Variants in ZGRF1 observed in about 807,000 individuals in gnomAD.
The protein encoded by ZGRF1 is zinc finger GRF-type containing 1, also known as 5'-3' DNA helicase ZGRF1.
In ZGRF1, 196 loss-of-function variants were observed where a neutral mutation model predicts 203.5. The observed-to-expected ratio is 0.96, with a 90% CI of 0.86 to 1.08. The LOEUF is 1.08. ZGRF1 is among the 50% of genes least tolerant of loss of function. ZGRF1 has a pLI of 0.00. For synonymous variants in ZGRF1, 809 were observed against 841.3 expected (o/e 0.96, Z 0.66); for missense variants, 2,326 against 2,416.3 (o/e 0.96, Z 0.78).
chr4:112,619,109 T>C lies in ZGRF1; in HGVS notation c.933A>G (p.Leu311=), dbSNP rs773608643. Residue 311 remains leucine, a synonymous_variant, in exon 6 of 28, where the codon TTA becomes TTG. Transcript: ENST00000505019. ...ECAEMKSTEN[L]YYQHQSENTM... ...TATTTTCTGATTGATGCTGGTAGTA[T>C]AAATTTTCTGTGCTCTTCATCTCAG... 2 of 1,613,932 alleles carry C rather than the reference T, an allele frequency of 1.2e-6. No homozygotes were observed. The highest frequency in any genetic ancestry group is 1.1e-5 in the South Asian group (1 of 91,076).
chr4:112,548,328 T>A lies in ZGRF1; in HGVS notation c.5399A>T (p.Asp1800Val), dbSNP rs780807352. Residue 1800 changes from aspartate to valine, a missense_variant, in exon 23 of 28, where the codon GAT becomes GTT. By Grantham distance (152) the Asp-to-Val change is radical (BLOSUM62 -3). Coordinates refer to ENST00000505019, the MANE Select transcript of ZGRF1 (RefSeq NM_018392.5). ...CAGCACAACTACAGGAAATTTAAGA[T>A]CATTCATGCATGGGAATGGGCAGGC... is the stretch of plus-strand genomic sequence containing the variant. ...CAACPFPCMNDLKFPVVVLDE... is the reference protein window; with the variant it reads ...CAACPFPCMNVLKFPVVVLDE... The A allele has an allele frequency of 6.4e-7, 1 of 1,554,464 alleles. No homozygotes were observed.
intron 10 of ZGRF1, among the ~76,000 whole-genome samples, chr4:112,594,769 T>C (rs1748724381): frequency 6.6e-6 from 1 of 152,044 alleles, no homozygotes; most frequent in South Asian, 2.1e-4. Flanking sequence ...TTCAAGTTTA[T>C]CTTGTCTTCA....
intron 3 of ZGRF1, among the ~76,000 whole-genome samples, chr4:112,631,440 C>T (rs981417902): frequency 2.0e-5 from 3 of 152,054 alleles, no homozygotes; most frequent in African/African-American, 7.2e-5. Flanking sequence ...GAGGCTGAGG[C>T]AGGCAGCTCA....
intron 24 of ZGRF1, among the ~76,000 whole-genome samples, chr4:112,545,141 T>A (rs750158512): frequency 6.6e-6 from 1 of 151,878 alleles, no homozygotes; most frequent in South Asian, 2.1e-4. Flanking sequence ...ATAGGTAAAC[T>A]GAACTTCATC....
At chr4:112,605,054 ATT>A (rs1280903404) in intron 9 of ZGRF1, among the ~76,000 whole-genome samples, 1 of 152,140 alleles carries the variant, frequency 6.6e-6, no homozygotes, top group East Asian at 1.9e-4. Context: ...AAAAATAAAC[ATT>A]GCAATAAAAA....
At chr4:112,633,991 G>A (rs552272938) in intron 1 of ZGRF1, among the ~76,000 whole-genome samples, 28 of 152,278 alleles carry the variant, frequency 1.8e-4, no homozygotes, top group African/African-American at 6.3e-4. Context: ...AAGTGATGCT[G>A]ATGGACACTC....
Position 112,540,895 on chromosome 4 carries a change from G to A in ZGRF1, c.5836C>T (p.Gln1946Ter), listed in dbSNP as rs1015590553. 5 of 1,585,308 alleles carry A rather than the reference G, an allele frequency of 3.2e-6. No homozygotes were observed. Among genetic ancestry groups the A allele is most frequent in the African/African-American group, 2.7e-5 (2 of 74,474 alleles). The part of the protein sequence containing the change: ...AEATFTLKLI[Q>*]SLIASGIAGS... ...GCTATTCCACTTGCAATCAGTGATTGAATCAGCTTGAGTGTAAACGTAGCT... is the reference window on the plus strand; with the variant it reads ...GCTATTCCACTTGCAATCAGTGATTAAATCAGCTTGAGTGTAAACGTAGCT... Residue 1946 changes from glutamine to a stop codon, truncating the protein, a stop_gained, in exon 26 of 28, where the codon CAA (glutamine) becomes TAA (stop). Coordinates refer to ENST00000505019, the MANE Select transcript of ZGRF1 (RefSeq NM_018392.5). LOFTEE classifies it high-confidence loss of function.
In ZGRF1 at chr4:112,631,053, T is replaced by C. The variant is rs1349065044; in HGVS notation, c.102+877A>G. Among the ~76,000 whole-genome samples, 12 of 152,238 alleles carry C rather than the reference T, an allele frequency of 7.9e-5. No individual in the cohort carries two copies. The East Asian group carries it at 2.3e-3, about 29-fold the overall frequency. ...GTTTCATCTTCAGTAAAATAAAGAT[T>C]AAAAGAATACCTAACTAGTAGGAGA... On this transcript the variant is annotated intron_variant, in intron 3 of 27. Transcript: ENST00000505019.
At chr4:112,601,093 ACT>A (rs2149085865) in intron 10 of ZGRF1, among the ~76,000 whole-genome samples, 1 of 141,168 alleles carries the variant, frequency 7.1e-6, no homozygotes, top group East Asian at 2.1e-4. Flanking sequence ...ACAGAGCAAG[ACT>A]CCATCTCAAA....
At chr4:112,599,930 A>G (rs957806789) in intron 10 of ZGRF1, among the ~76,000 whole-genome samples, 16 of 152,374 alleles carry the variant, frequency 1.1e-4, no homozygotes, top group Middle Eastern at 3.4e-3. Context: ...CATAAAATGT[A>G]CTCAATACAT....
At chr4:112,594,039 G>C (rs77137039) in intron 10 of ZGRF1, among the ~76,000 whole-genome samples, 5,336 of 152,200 alleles carry the variant, frequency 0.035, 177 homozygotes, top group East Asian at 0.19. Flanking sequence ...ACAGGTGTGA[G>C]CCACCGTCCC....
chr4:112,565,762 GC>G (rs1158692977), intron 16 of ZGRF1, among the ~76,000 whole-genome samples: 1 of 152,110 alleles, frequency 6.6e-6, no homozygotes, highest in African/African-American at 2.4e-5. Context: ...ACCATCACTG[GC>G]CATCAGAGAA....
At chr4:112,599,190 T>G (rs746355765) in intron 10 of ZGRF1, among the ~76,000 whole-genome samples, 1 of 152,138 alleles carries the variant, frequency 6.6e-6, no homozygotes, top group Non-Finnish European at 1.5e-5. Flanking sequence ...ATACCAAAAC[T>G]GTAAAACATT....
At position 112,619,587 on chromosome 4, in the gene ZGRF1, G is replaced by GA. The variant is rs1560873980; in HGVS notation, c.454dup (p.Ser152PhefsTer20). The GA allele has an allele frequency of 1.2e-6, 2 of 1,613,854 alleles. No homozygotes were observed. Among genetic ancestry groups the GA allele is most frequent in the Non-Finnish European group, 1.7e-6 (2 of 1,179,878 alleles). The stretch of plus-strand genomic sequence containing the variant: ...CAAAGGAGGCATGCTGCAGAATGGA[G>GA]AAAAAATAGTAGGGCCAGTTTTCTT... On this transcript the variant is annotated frameshift_variant, in exon 6 of 28. Coordinates refer to ENST00000505019, the MANE Select transcript of ZGRF1 (RefSeq NM_018392.5). LOFTEE classifies it high-confidence loss of function.
intron 6 of ZGRF1, among the ~76,000 whole-genome samples, chr4:112,613,493 A>G (rs1392269017): frequency 6.6e-6 from 1 of 152,210 alleles, no homozygotes; most frequent in Non-Finnish European, 1.5e-5. Flanking sequence ...ACAAAAGACA[A>G]ACAAATAACT....
intron 3 of ZGRF1, among the ~76,000 whole-genome samples, chr4:112,627,806 C>G (rs183109184): frequency 6.6e-6 from 1 of 152,152 alleles, no homozygotes; most frequent in Non-Finnish European, 1.5e-5. Context: ...TCTTCATTAG[C>G]TCCTGGGGCT....
Position 112,585,617 on chromosome 4 carries a change from G to A in ZGRF1, c.4025C>T (p.Ala1342Val). 1 of 1,611,906 alleles carries A rather than the reference G, an allele frequency of 6.2e-7. No individual in the cohort carries two copies. The highest frequency in any genetic ancestry group is 8.5e-7 in the Non-Finnish European group (1 of 1,179,190). The part of the protein sequence containing the change: ...TSLKGEKLKN[A>V]ENNVPSCHHS... ...ATGGCAGGATGGTACATTATTTTCTGCGTTTTTCAGTTTCTCTCCCTTCAA... is the reference window on the plus strand; with the variant it reads ...ATGGCAGGATGGTACATTATTTTCTACGTTTTTCAGTTTCTCTCCCTTCAA... The change falls in exon 14 of 28, where the codon GCA (alanine) becomes GTA (valine). Residue 1342 changes from alanine (A) to valine (V), a missense_variant. Coordinates refer to ENST00000505019, the MANE Select transcript of ZGRF1 (RefSeq NM_018392.5).
chr4:112,562,687 T>C (rs6816676), intron 17 of ZGRF1, among the ~76,000 whole-genome samples: 103,768 of 152,126 alleles, frequency 0.68, 35,833 homozygotes, highest in East Asian at 0.95. Flanking sequence ...ATAATGGGTA[T>C]GCATAAACTG....
rs796464816 is a variant in ZGRF1, at chr4:112,619,150, G to A, written c.892C>T (p.Gln298Ter). Residue 298 changes from glutamine to a stop codon, truncating the protein, a stop_gained, in exon 6 of 28, where the codon CAA becomes TAA. Coordinates refer to ENST00000505019, the MANE Select transcript of ZGRF1 (RefSeq NM_018392.5). LOFTEE classifies it high-confidence loss of function. ...KIATKPKYLIQQEECAEMKST... is the reference protein window; with the variant it reads ...KIATKPKYLI ...TTCATCTCAGCACACTCTTCCTGTT[G>A]AATTAGGTACTTTGGTTTAGTAGCA... is the stretch of plus-strand genomic sequence containing the variant. The A allele has an allele frequency of 6.2e-7, 1 of 1,613,730 alleles. No individual in the cohort carries two copies. The highest frequency in any genetic ancestry group is 2.2e-5 in the East Asian group (1 of 44,866).
Sources: allele counts gnomAD v4.1 joint callset (sites outside exome capture counted in the v4.1 genomes callset), GRCh38; gene constraint gnomAD v4.1.1; transcripts MANE v1.5; gene names NCBI Gene and HGNC (gene_info 2026-07-23, HGNC 2026-07-21).